Variants in UGGT1 observed in about 807,000 individuals in gnomAD.
The protein encoded by UGGT1 is UDP-glucose glycoprotein glucosyltransferase 1, also known as UDP-glucose:glycoprotein glucosyltransferase 1.
A neutral mutation model predicts 203.9 loss-of-function variants in UGGT1; 107 were observed. The observed-to-expected ratio is 0.52, with a 90% CI of 0.45 to 0.62. The LOEUF is 0.62. Among genes scored for constraint, UGGT1 ranks in the 20% least tolerant of loss-of-function variants. UGGT1 has a pLI of 0.00. For missense variants in UGGT1, 1,673 were observed against 1,867.2 expected (o/e 0.90, Z 1.92); for synonymous variants, 628 against 653.5 (o/e 0.96, Z 0.59).
At position 128,107,922 on chromosome 2, in the gene UGGT1, T is replaced by C. The variant is rs763217222; in HGVS notation, c.278-16T>C. 2.5e-6 allele frequency: 4 copies of C among 1,614,070 alleles called. No individual in the cohort carries two copies. Among genetic ancestry groups the C allele is most frequent in the Admixed American group, 1.7e-5 (1 of 60,018 alleles). On this transcript the variant is annotated splice_polypyrimidine_tract_variant and intron_variant, in intron 3 of 40. Coordinates refer to ENST00000259253, the MANE Select transcript of UGGT1 (RefSeq NM_020120.4). ...AGTCATACGCAATTACTTTGGTTAA[T>C]GTTCTTCCTTGACAGGTACCGATTA...
At chr2:128,172,528 G>T (rs1367150036) in intron 28 of UGGT1, 45 bp from the exon 29 acceptor site, 6 of 1,600,960 alleles carry the variant, frequency 3.7e-6, no homozygotes, top group African/African-American at 1.3e-5. Context: ...CTCAAGTCCT[G>T]TTGTCACATC....
chr2:128,164,829 T>C lies in UGGT1; in HGVS notation c.2921+4T>C, dbSNP rs747766116. ...AGTTTTTTGAAGACAGACACAGGTA[T>C]AGAATTAATGTTGAATTTGTGCATA... On this transcript the variant is annotated splice_donor_region_variant and intron_variant, in intron 26 of 40. Coordinates refer to ENST00000259253, the MANE Select transcript of UGGT1 (RefSeq NM_020120.4). 6.3e-6 allele frequency: 10 copies of C among 1,591,324 alleles called. No individual in the cohort carries two copies. The South Asian group carries it at 1.1e-4, about 18-fold the overall frequency.
chr2:128,121,401 G>GTTT, intron 10 of UGGT1, 103 bp downstream of exon 10: 1 of 463,276 alleles, frequency 2.2e-6, no homozygotes, highest in Non-Finnish European at 3.3e-6. Context: ...AGAAAATTAA[G>GTTT]ATTCTTTTTT....
chr2:128,166,556 A>G (rs1415480753), intron 26 of UGGT1, among the ~76,000 whole-genome samples: 5 of 152,212 alleles, frequency 3.3e-5, no homozygotes, highest in Non-Finnish European at 7.3e-5. Context: ...CAGATTACAT[A>G]TTACAGAGTT....
intron 10 of UGGT1, 52 bp from the exon 11 acceptor site, chr2:128,123,134 G>T: frequency 2.2e-6 from 3 of 1,382,780 alleles, no homozygotes; most frequent in South Asian, 2.8e-5. Flanking sequence ...GGAAATTGAA[G>T]ACTTTATATC....
intron 15 of UGGT1, among the ~76,000 whole-genome samples, chr2:128,138,353 C>T (rs775105458): frequency 4.4e-4 from 67 of 152,256 alleles, no homozygotes; most frequent in Middle Eastern, 6.8e-3. Context: ...AACCCCATCT[C>T]TACTAAAAAT....
Position 128,145,535 on chromosome 2 carries a change from C to G in UGGT1, c.1852-268C>G. ...ACACACACACACACATACACAAACA[C>G]ACGTACACACACACGCACTTCATAA... On this transcript the variant is annotated intron_variant, in intron 17 of 40. Transcript: ENST00000259253. 4 of 329,450 alleles carry G rather than the reference C, an allele frequency of 1.2e-5. No individual in the cohort carries two copies. The South Asian group carries it at 1.8e-4, about 15-fold the overall frequency. 20.4% of individuals were successfully genotyped at this position (329,450 alleles called of 1,614,324 possible).
chr2:128,125,532 C>T (rs1020135195), intron 11 of UGGT1, among the ~76,000 whole-genome samples: 5 of 152,162 alleles, frequency 3.3e-5, no homozygotes, highest in African/African-American at 1.2e-4. Flanking sequence ...ACCCACCTCT[C>T]TTCCAGCTTC....
intron 16 of UGGT1, among the ~76,000 whole-genome samples, chr2:128,141,162 A>G (rs1258537903): frequency 6.6e-6 from 1 of 152,018 alleles, no homozygotes. Flanking sequence ...CGTTTCTACT[A>G]AAAATACAAA....
chr2:128,172,809 A>G, intron 29 of UGGT1, 47 bp downstream of exon 29: 4 of 1,554,400 alleles, frequency 2.6e-6, no homozygotes, highest in Non-Finnish European at 2.6e-6. Context: ...TGTATAATAC[A>G]GCAGATTGAA....
chr2:128,127,125 T>TA (rs1264658441), intron 11 of UGGT1, among the ~76,000 whole-genome samples: 2 of 152,186 alleles, frequency 1.3e-5, no homozygotes, highest in Non-Finnish European at 2.9e-5. Flanking sequence ...CTCTTCTTTT[T>TA]AAAATCGAGA....
intron 2 of UGGT1, among the ~76,000 whole-genome samples, chr2:128,100,240 T>G (rs113889701): frequency 1.2e-4 from 18 of 152,096 alleles, no homozygotes; most frequent in Non-Finnish European, 2.2e-4. Context: ...TTTTACCATG[T>G]TGGCCGCCAG....
chr2:128,108,198 G>T, intron 4 of UGGT1, 130 bp downstream of exon 4: 1 of 1,188,858 alleles, frequency 8.4e-7, no homozygotes, highest in Non-Finnish European at 1.1e-6. Flanking sequence ...TAGGATTTAT[G>T]ATTTTTAAAA....
At chr2:128,184,801 C>G (rs1390833091) in intron 38 of UGGT1, among the ~76,000 whole-genome samples, 1 of 152,156 alleles carries the variant, frequency 6.6e-6, no homozygotes, top group Admixed American at 6.5e-5. Context: ...CCTGCCTCAG[C>G]CTCCTGAGTA....
At position 128,192,397 on chromosome 2, in the gene UGGT1, A is replaced by T. The variant is rs1027915529; in HGVS notation, c.*2655A>T. On this transcript the variant is annotated 3_prime_UTR_variant, in exon 41 of 41. Coordinates refer to ENST00000259253, the MANE Select transcript of UGGT1 (RefSeq NM_020120.4). ...CTGTAACAGAAAAGATAGGTAAGAT[A>T]TTTTTTTCCCAAGAAGTAAGAATTG... 2.0e-5 allele frequency: 3 copies of T among 151,948 alleles called. No homozygotes were observed. The highest frequency in any genetic ancestry group is 4.4e-5 in the Non-Finnish European group (3 of 68,002). 9.4% of individuals were successfully genotyped at this position (151,948 alleles called of 1,614,324 possible).
intron 1 of UGGT1, among the ~76,000 whole-genome samples, chr2:128,095,418 C>G (rs544609798): frequency 1.4e-5 from 1 of 69,848 alleles, no homozygotes; most frequent in East Asian, 3.8e-4. Context: ...CCTTTACCTT[C>G]CCCTTCCCCT....
intron 18 of UGGT1, among the ~76,000 whole-genome samples, chr2:128,149,321 C>T (rs1176499846): frequency 6.7e-6 from 1 of 150,036 alleles, no homozygotes; most frequent in African/African-American, 2.4e-5. Flanking sequence ...GGATTATAGG[C>T]ATGAGCCATC....
intron 28 of UGGT1, 53 bp from the exon 29 acceptor site, chr2:128,172,520 C>G: frequency 3.2e-6 from 5 of 1,583,850 alleles, no homozygotes; most frequent in Non-Finnish European, 3.5e-6. Flanking sequence ...GCTGTGCACT[C>G]AAGTCCTGTT....
Position 128,113,220 on chromosome 2 carries a change from G to A in UGGT1, c.658G>A (p.Ala220Thr). 2 of 1,612,402 alleles carry A rather than the reference G, an allele frequency of 1.2e-6. No individual in the cohort carries two copies. Among genetic ancestry groups the A allele is most frequent in the Middle Eastern group, 1.7e-4 (1 of 6,052 alleles). ...CCGCCAGCTTATATCAAAAAGCAAT[G>A]CAGGCAAAATCAATTATGTATTCAG... Reference protein sequence around the residue: ...FHRQLISKSNAGKINYVFRHY... With the variant: ...FHRQLISKSNTGKINYVFRHY... The change falls in exon 6 of 41, where the codon GCA (alanine) becomes ACA (threonine). Residue 220 changes from alanine (A) to threonine (T), a missense_variant. By Grantham distance (58) the Ala-to-Thr change is moderately conservative. Around this residue, in one of 4 missense-constraint regions of UGGT1, gnomAD observed 1,073 missense variants for 1,078.7 expected, o/e 0.99. Coordinates refer to ENST00000259253, the MANE Select transcript of UGGT1 (RefSeq NM_020120.4).
Sources: allele counts gnomAD v4.1 joint callset (sites outside exome capture counted in the v4.1 genomes callset), GRCh38; gene constraint gnomAD v4.1.1; regional missense constraint gnomAD v4.1.1; transcripts MANE v1.5; gene names NCBI Gene and HGNC (gene_info 2026-07-23, HGNC 2026-07-21).